Variants in PRMT3 observed in about 807,000 individuals in gnomAD.
PRMT3 encodes protein arginine methyltransferase 3, also known as protein arginine N-methyltransferase 3.
In PRMT3, 62 loss-of-function variants were observed where a neutral mutation model predicts 71.9. That is an observed-to-expected ratio of 0.86 (90% CI 0.70 to 1.07). PRMT3 has a LOEUF of 1.07. PRMT3 is among the 50% of genes least tolerant of loss of function. PRMT3 has a pLI of 0.00. For missense variants in PRMT3, 663 were observed against 643.0 expected (o/e 1.03, Z -0.34); for synonymous variants, 213 against 220.4 (o/e 0.97, Z 0.30).
chr11:20,440,270 G>A (rs1849855973), intron 10 of PRMT3, among the ~76,000 whole-genome samples: 3 of 152,112 alleles, frequency 2.0e-5, no homozygotes, highest in Non-Finnish European at 4.4e-5. Flanking sequence ...GCAGGAGGAT[G>A]GCTTAAGCCC....
At chr11:20,420,917 A>C (rs575794117) in intron 9 of PRMT3, among the ~76,000 whole-genome samples, 11 of 152,348 alleles carry the variant, frequency 7.2e-5, no homozygotes, top group South Asian at 6.2e-4. Flanking sequence ...GAAAAAACAA[A>C]ACTGTTTTTA....
intron 13 of PRMT3, among the ~76,000 whole-genome samples, chr11:20,490,460 TAC>T (rs1412247490): frequency 6.6e-6 from 1 of 152,200 alleles, no homozygotes; most frequent in Non-Finnish European, 1.5e-5. Context: ...CTGAAATTCA[TAC>T]ACAGATTTGG....
At chr11:20,395,418 A>C (rs1410275768) in intron 5 of PRMT3, among the ~76,000 whole-genome samples, 1 of 152,016 alleles carries the variant, frequency 6.6e-6, no homozygotes, top group South Asian at 2.1e-4. Flanking sequence ...ATCACAGCTC[A>C]CTGCAACCTC....
intron 13 of PRMT3, among the ~76,000 whole-genome samples, chr11:20,476,547 G>T (rs1298700513): frequency 6.6e-6 from 1 of 152,150 alleles, no homozygotes; most frequent in African/African-American, 2.4e-5. Context: ...CCATGAGGAA[G>T]TGAAAAACTT....
chr11:20,489,165 A>C (rs1234077635), intron 13 of PRMT3, among the ~76,000 whole-genome samples: 1 of 151,522 alleles, frequency 6.6e-6, no homozygotes, highest in African/African-American at 2.4e-5. Context: ...CTTACCACTC[A>C]TTCTCCCTTC....
intron 8 of PRMT3, chr11:20,406,727 G>A (rs2133320810): frequency 6.6e-6 from 1 of 152,246 alleles, no homozygotes; most frequent in African/African-American, 2.4e-5. Flanking sequence ...TCACTGTGCT[G>A]TTTTTCACAG....
chr11:20,409,654 A>ACAC (rs1555008187), intron 9 of PRMT3, among the ~76,000 whole-genome samples: 7 of 144,238 alleles, frequency 4.9e-5, no homozygotes, highest in Admixed American at 1.4e-4. Flanking sequence ...GGAATACACA[A>ACAC]ACACACACAC....
intron 13 of PRMT3, among the ~76,000 whole-genome samples, chr11:20,480,310 G>T (rs947522008): frequency 6.6e-6 from 1 of 152,184 alleles, no homozygotes; most frequent in Admixed American, 6.5e-5. Context: ...GTGTGTGTAT[G>T]TGTGTTCTAT....
At position 20,391,510 on chromosome 11, in the gene PRMT3, T is replaced by C. The variant is rs1001246046; in HGVS notation, c.248-701T>C. 6.6e-5 allele frequency among the ~76,000 whole-genome samples: 10 copies of C among 152,332 alleles called. No homozygotes were observed. The East Asian group carries it at 1.9e-3, about 29-fold the overall frequency. On this transcript the variant is annotated intron_variant, in intron 3 of 15. Coordinates refer to ENST00000331079, the MANE Select transcript of PRMT3 (RefSeq NM_005788.4). ...CGCCTGCCTTGGCCTCCCAAAGTGC[T>C]GGGGTTACAGGCATGAGCCACTGTG...
intron 10 of PRMT3, among the ~76,000 whole-genome samples, chr11:20,441,942 G>A (rs182477295): frequency 6.6e-6 from 1 of 151,986 alleles, no homozygotes; most frequent in Admixed American, 6.5e-5. Context: ...ACAAGTGCCT[G>A]CCACCACGCC....
intron 7 of PRMT3, among the ~76,000 whole-genome samples, chr11:20,398,452 A>AT (rs902287106): frequency 3.3e-5 from 5 of 150,874 alleles, no homozygotes; most frequent in African/African-American, 4.8e-5. Flanking sequence ...ATAATGCCAT[A>AT]TTTTTTTTTG....
intron 10 of PRMT3, among the ~76,000 whole-genome samples, chr11:20,443,192 C>G (rs989046069): frequency 6.6e-6 from 1 of 152,130 alleles, no homozygotes; most frequent in Admixed American, 6.5e-5. Flanking sequence ...CATTGTAAAT[C>G]AGGGTTGTAT....
chr11:20,422,735 G>C (rs1339069634), intron 9 of PRMT3, among the ~76,000 whole-genome samples: 1 of 152,070 alleles, frequency 6.6e-6, no homozygotes, highest in African/African-American at 2.4e-5. Context: ...AGAGAGTCCT[G>C]CACACAGCAC....
At chr11:20,433,221 A>G (rs1469869115) in intron 10 of PRMT3, among the ~76,000 whole-genome samples, 1 of 152,012 alleles carries the variant, frequency 6.6e-6, no homozygotes, top group Admixed American at 6.6e-5. Flanking sequence ...TCTACCCTCA[A>G]GTAGGCCCCA....
At chr11:20,441,263 TTTTATTTATTTA>T (rs3044625) in intron 10 of PRMT3, among the ~76,000 whole-genome samples, 5,611 of 138,110 alleles carry the variant, frequency 0.041, 207 homozygotes, top group Admixed American at 0.12. Context: ...GTTACTAACT[TTTTATTTATTTA>T]TTTATTTATT....
intron 10 of PRMT3, among the ~76,000 whole-genome samples, chr11:20,432,463 A>G (rs1221606752): frequency 6.6e-6 from 1 of 152,074 alleles, no homozygotes; most frequent in South Asian, 2.1e-4. Context: ...TCAACTCTTA[A>G]TAGACACTTA....
intron 15 of PRMT3, among the ~76,000 whole-genome samples, chr11:20,507,712 A>C (rs1362508063): frequency 2.6e-5 from 4 of 152,082 alleles, no homozygotes; most frequent in African/African-American, 9.7e-5. Flanking sequence ...CACGGGAGGC[A>C]GAGGTTGCAG....
chr11:20,487,317 C>T (rs894931997), intron 13 of PRMT3, among the ~76,000 whole-genome samples: 25 of 152,054 alleles, frequency 1.6e-4, no homozygotes, highest in African/African-American at 4.8e-4. Context: ...TCACAAAAAC[C>T]GTTCAAGTGC....
chr11:20,475,583 T>G (rs1443619597), intron 13 of PRMT3, among the ~76,000 whole-genome samples: 2 of 152,170 alleles, frequency 1.3e-5, no homozygotes, highest in African/African-American at 4.8e-5. Flanking sequence ...AAAAACCTCT[T>G]AAAGTCCTTT....
Sources: allele counts gnomAD v4.1 joint callset (sites outside exome capture counted in the v4.1 genomes callset), GRCh38; gene constraint gnomAD v4.1.1; transcripts MANE v1.5; gene names NCBI Gene and HGNC (gene_info 2026-07-23, HGNC 2026-07-21).